The following EXOC6B variants were observed in gnomAD, a reference collection of about 807,000 sequenced individuals.
EXOC6B encodes the protein SEC15 homolog B.
EXOC6B carries 54 observed loss-of-function variants against 113.5 expected under a neutral mutation model. The ratio of observed to expected loss-of-function variants is 0.48; its 90% CI spans 0.38 to 0.60. The LOEUF is 0.60. Among genes scored for constraint, EXOC6B ranks in the 20% least tolerant of loss-of-function variants. The probability of loss-of-function intolerance (pLI) is 0.00; values close to 1 mark genes in which losing one functional copy is unlikely to be tolerated. For synonymous variants in EXOC6B, 357 were observed against 339.0 expected (o/e 1.05, Z -0.58); for missense variants, 797 against 977.5 (o/e 0.82, Z 2.46).
At position 72,394,455 on chromosome 2, in the gene EXOC6B, A is replaced by G. The variant is rs374763185; in HGVS notation, c.1981-14585T>C. 1.4e-4 allele frequency among the ~76,000 whole-genome samples: 22 copies of G among 152,262 alleles called. 2 individuals carry two copies. Among genetic ancestry groups the G allele is most frequent in the African/African-American group, 4.6e-4 (19 of 41,570 alleles). ...GCTGGGTGACCCTCATTACATCCCA[A>G]CAACAATGACATGGGAATTTTTTTA... On this transcript the variant is annotated intron_variant, in intron 18 of 21. Coordinates refer to ENST00000272427, the MANE Select transcript of EXOC6B (RefSeq NM_015189.3).
At chr2:72,490,140 G>A (rs1328214392) in intron 16 of EXOC6B, among the ~76,000 whole-genome samples, 6 of 152,092 alleles carry the variant, frequency 3.9e-5, no homozygotes, top group African/African-American at 1.2e-4. Flanking sequence ...TGGACCTCCT[G>A]TAAAAATCTC....
At chr2:72,228,841 A>C (rs1480166053) in intron 20 of EXOC6B, among the ~76,000 whole-genome samples, 1 of 152,186 alleles carries the variant, frequency 6.6e-6, no homozygotes, top group African/African-American at 2.4e-5. Context: ...GAATCGCCAC[A>C]CTGACTTCCA....
intron 6 of EXOC6B, among the ~76,000 whole-genome samples, chr2:72,653,130 G>A (rs997251067): frequency 8.6e-5 from 13 of 151,450 alleles, no homozygotes; most frequent in South Asian, 4.2e-4. Flanking sequence ...GGCTCTATTC[G>A]CAATAGCAAA....
intron 8 of EXOC6B, among the ~76,000 whole-genome samples, chr2:72,535,843 C>T (rs902862049): frequency 2.0e-5 from 3 of 149,658 alleles, no homozygotes; most frequent in Non-Finnish European, 4.4e-5. Context: ...GCACTCCAGC[C>T]TGGGCAACGA....
chr2:72,593,487 C>T (rs868742568), intron 6 of EXOC6B, among the ~76,000 whole-genome samples: 6 of 151,902 alleles, frequency 3.9e-5, no homozygotes, highest in African/African-American at 1.2e-4. Flanking sequence ...ATGTTCAGAG[C>T]GAATTATAGA....
chr2:72,770,495 C>T (rs766215415), intron 1 of EXOC6B, among the ~76,000 whole-genome samples: 1 of 152,114 alleles, frequency 6.6e-6, no homozygotes, highest in Admixed American at 6.5e-5. Flanking sequence ...CAAACACATT[C>T]ATATTTCAGC....
chr2:72,276,185 G>C (rs1684800496), intron 20 of EXOC6B, among the ~76,000 whole-genome samples: 1 of 152,072 alleles, frequency 6.6e-6, no homozygotes, highest in East Asian at 1.9e-4. Flanking sequence ...CACTTTGGGG[G>C]TAGACTCTTA....
intron 19 of EXOC6B, among the ~76,000 whole-genome samples, chr2:72,368,962 G>A (rs961904933): frequency 6.6e-6 from 1 of 152,154 alleles, no homozygotes; most frequent in Non-Finnish European, 1.5e-5. Flanking sequence ...CACAAGACAG[G>A]GATGCCCACT....
chr2:72,539,049 A>C (rs1239896411), intron 8 of EXOC6B, among the ~76,000 whole-genome samples: 2 of 152,172 alleles, frequency 1.3e-5, no homozygotes, highest in African/African-American at 4.8e-5. Context: ...GATCAATGGG[A>C]TAAGTTCAAA....
chr2:72,808,676 G>C (rs1344180693), intron 1 of EXOC6B, among the ~76,000 whole-genome samples: 1 of 152,134 alleles, frequency 6.6e-6, no homozygotes, highest in African/African-American at 2.4e-5. Flanking sequence ...CCAGCTACTT[G>C]GGAAGCTAAG....
chr2:72,749,683 G>GA (rs1681919040), intron 1 of EXOC6B, among the ~76,000 whole-genome samples: 1 of 151,910 alleles, frequency 6.6e-6, no homozygotes, highest in East Asian at 1.9e-4. Flanking sequence ...TCTACTGAGA[G>GA]AAAAAAGAAA....
intron 19 of EXOC6B, among the ~76,000 whole-genome samples, chr2:72,340,445 C>A (rs552887950): frequency 2.6e-5 from 4 of 152,158 alleles, no homozygotes; most frequent in African/African-American, 4.8e-5. Flanking sequence ...TGTAAAATAG[C>A]AATTTTGGGA....
chr2:72,417,997 A>C (rs1279534833), intron 18 of EXOC6B, among the ~76,000 whole-genome samples: 2 of 152,110 alleles, frequency 1.3e-5, no homozygotes, highest in African/African-American at 4.8e-5. Context: ...TCATATTTAA[A>C]GTGATTATTG....
chr2:72,546,100 A>G (rs1436203026), intron 8 of EXOC6B, among the ~76,000 whole-genome samples: 1 of 152,180 alleles, frequency 6.6e-6, no homozygotes, highest in East Asian at 1.9e-4. Context: ...TAGGAAGATT[A>G]TTGACCATCT....
At chr2:72,682,375 C>CTA (rs948744692) in intron 6 of EXOC6B, among the ~76,000 whole-genome samples, 3 of 152,140 alleles carry the variant, frequency 2.0e-5, no homozygotes, top group African/African-American at 4.8e-5. Context: ...AAAATGCAGA[C>CTA]AGTAGTAACA....
chr2:72,194,473 C>T (rs866910828), intron 20 of EXOC6B, among the ~76,000 whole-genome samples: 14 of 152,014 alleles, frequency 9.2e-5, no homozygotes, highest in African/African-American at 2.7e-4. Context: ...GTTTGCTGTG[C>T]AATTCATGAC....
intron 19 of EXOC6B, among the ~76,000 whole-genome samples, chr2:72,342,572 C>G (rs558055946): frequency 6.6e-6 from 1 of 152,054 alleles, no homozygotes; most frequent in South Asian, 2.1e-4. Context: ...AAAAGAAACC[C>G]TCGTATACTG....
chr2:72,800,997 A>T (rs1176159575), intron 1 of EXOC6B, among the ~76,000 whole-genome samples: 1 of 152,208 alleles, frequency 6.6e-6, no homozygotes, highest in African/African-American at 2.4e-5. Flanking sequence ...TGCTAAAGAA[A>T]CATTAAAAAC....
At chr2:72,719,111 G>A (rs1679829213) in intron 5 of EXOC6B, among the ~76,000 whole-genome samples, 1 of 152,014 alleles carries the variant, frequency 6.6e-6, no homozygotes. Context: ...TTCTTGCCTG[G>A]GGCTACTTCC....
Sources: gnomAD v4.1 joint callset for allele counts (sites outside exome capture counted in the v4.1 genomes callset) on GRCh38, gnomAD v4.1.1 for gene constraint, MANE v1.5 for transcripts, NCBI Gene and HGNC (gene_info 2026-07-23, HGNC 2026-07-21) for gene names.